Variants in DHX57 observed in about 807,000 individuals in gnomAD.
DHX57 encodes DExH-box helicase 57.
Under a neutral mutation model 156.2 loss-of-function variants are expected in DHX57, and 105 were observed. The ratio of observed to expected loss-of-function variants is 0.67; its 90% CI spans 0.57 to 0.79. DHX57 has a LOEUF of 0.79. Among genes scored for constraint, DHX57 ranks in the 30% least tolerant of loss-of-function variants. The pLI, the probability that DHX57 is intolerant of heterozygous loss-of-function variation, is 0.00. For missense variants in DHX57, 1,847 were observed against 1,661.9 expected (o/e 1.11, Z -1.94); for synonymous variants, 704 against 595.6 (o/e 1.18, Z -2.65).
intron 1 of DHX57, among the ~76,000 whole-genome samples, chr2:38,874,610 CG>C: frequency 6.6e-6 from 1 of 151,832 alleles, no homozygotes; most frequent in East Asian, 1.9e-4. Flanking sequence ...AGGGTTTCAC[CG>C]TGTTAGCCAG....
At chr2:38,809,753 G>A (rs747571952) in intron 21 of DHX57, among the ~76,000 whole-genome samples, 48 of 151,990 alleles carry the variant, frequency 3.2e-4, no homozygotes, top group African/African-American at 5.3e-4. Context: ...GTGAGCCACC[G>A]CACTCGGCCT....
rs139499286 is a variant in DHX57, at chr2:38,820,435, G to T, written c.3292-1291C>A. 1.4e-4 allele frequency among the ~76,000 whole-genome samples: 21 copies of T among 151,762 alleles called. 1 individual carries two copies. The South Asian group carries it at 2.3e-3, about 17-fold the overall frequency. ...ATGGAACCTCAAACCAGACATCAAC[G>T]TCTCTAATGAGTCTTTCTTTATTCC... is the stretch of plus-strand genomic sequence containing the variant. On this transcript the variant is annotated intron_variant, in intron 17 of 23. Transcript: ENST00000457308.
chr2:38,812,435 G>C (rs888591365), intron 21 of DHX57, among the ~76,000 whole-genome samples: 1 of 152,218 alleles, frequency 6.6e-6, no homozygotes, highest in Non-Finnish European at 1.5e-5. Flanking sequence ...ATGGTGCCTT[G>C]TTAGGGATGG....
rs575712644 is a variant in DHX57 at position 38,812,602 on chromosome 2, C to T, written c.3681+1219G>A. ...AGGCTGGAGTGCAATGGTATGATCT[C>T]GCCTCACCACAACCTCTGCCTCCCG... On this transcript the variant is annotated intron_variant, in intron 21 of 23. Coordinates refer to ENST00000457308, the MANE Select transcript of DHX57 (RefSeq NM_198963.3). Among the ~76,000 whole-genome samples the T allele has an allele frequency of 8.8e-4, 134 of 152,204 alleles. 1 individual carries two copies. The highest frequency in any genetic ancestry group is 1.4e-3 in the Non-Finnish European group (97 of 68,046).
chr2:38,863,623 G>GTA, intron 2 of DHX57, 104 bp from the exon 3 acceptor site: 2 of 1,032,468 alleles, frequency 1.9e-6, no homozygotes, highest in Non-Finnish European at 2.8e-6. Flanking sequence ...GGATTGTCAA[G>GTA]TATCTTACAA....
intron 2 of DHX57, 45 bp downstream of exon 2, chr2:38,868,137 G>A (rs199936848): frequency 1.3e-4 from 202 of 1,603,330 alleles, no homozygotes; most frequent in Non-Finnish European, 1.6e-4. Context: ...TACATTAGGG[G>A]TTGATACCAT....
At chr2:38,814,880 G>A (rs1200356500) in intron 20 of DHX57, among the ~76,000 whole-genome samples, 2 of 151,826 alleles carry the variant, frequency 1.3e-5, no homozygotes, top group Non-Finnish European at 2.9e-5. Context: ...GTGCTACCAT[G>A]CCTGGATAAT....
intron 7 of DHX57, among the ~76,000 whole-genome samples, chr2:38,855,661 T>C (rs1247674642): frequency 6.6e-6 from 1 of 152,226 alleles, no homozygotes; most frequent in Non-Finnish European, 1.5e-5. Flanking sequence ...TACGAATTAT[T>C]ACCATATCAC....
chr2:38,821,074 A>G (rs1670789382), intron 17 of DHX57, among the ~76,000 whole-genome samples: 1 of 152,106 alleles, frequency 6.6e-6, no homozygotes, highest in Non-Finnish European at 1.5e-5. Context: ...TGAAAAAAAA[A>G]TTGCGAACTC....
At chr2:38,814,413 AC>A (rs1255631658) in intron 20 of DHX57, among the ~76,000 whole-genome samples, 3 of 152,232 alleles carry the variant, frequency 2.0e-5, no homozygotes, top group Non-Finnish European at 4.4e-5. Context: ...CAAGGAGCCT[AC>A]AATGACTTTC....
At chr2:38,825,329 G>A (rs1671033594) in intron 16 of DHX57, among the ~76,000 whole-genome samples, 1 of 151,826 alleles carries the variant, frequency 6.6e-6, no homozygotes, top group Non-Finnish European at 1.5e-5. Context: ...TTGAGATGGA[G>A]TCTCACTCTG....
chr2:38,819,477 T>C (rs1046590547), intron 17 of DHX57, among the ~76,000 whole-genome samples: 1 of 152,226 alleles, frequency 6.6e-6, no homozygotes, highest in Admixed American at 6.5e-5. Flanking sequence ...CACCAGGTCC[T>C]ACAGGACACT....
intron 21 of DHX57, chr2:38,810,692 G>C (rs1194952566): frequency 9.8e-6 from 7 of 713,346 alleles, no homozygotes; most frequent in Non-Finnish European, 1.0e-5. Flanking sequence ...TCACACTGAG[G>C]GTTGTGCCAG....
At chr2:38,823,592 G>C (rs1005867727) in intron 16 of DHX57, among the ~76,000 whole-genome samples, 11 of 152,184 alleles carry the variant, frequency 7.2e-5, no homozygotes, top group Admixed American at 3.9e-4. Context: ...GTTGTTGGTG[G>C]GAATGTAAAA....
intron 21 of DHX57, among the ~76,000 whole-genome samples, chr2:38,812,556 G>A (rs887323018): frequency 1.3e-5 from 2 of 152,152 alleles, no homozygotes; most frequent in Non-Finnish European, 2.9e-5. Flanking sequence ...TATTTGAGAC[G>A]GAGTTTCGCT....
chr2:38,841,239 T>C (rs1441545627), intron 12 of DHX57, among the ~76,000 whole-genome samples: 7 of 152,238 alleles, frequency 4.6e-5, no homozygotes, highest in Non-Finnish European at 8.8e-5. Flanking sequence ...ATTAGAATCA[T>C]GGATCTGCAC....
chr2:38,813,912 G>A lies in DHX57; in HGVS notation c.3607-17C>T, dbSNP rs368699930. 2.9e-4 allele frequency: 473 copies of A among 1,610,848 alleles called. No individual in the cohort carries two copies. The highest frequency in any genetic ancestry group is 3.8e-4 in the Non-Finnish European group (444 of 1,177,862). On this transcript the variant is annotated splice_polypyrimidine_tract_variant and intron_variant, in intron 20 of 23. Transcript: ENST00000457308. ...TGAGTTTGCCTATGAGAAAAGCACAGCATTAATTAACAAGTGATATGGCTA... is the reference window on the plus strand; with the variant it reads ...TGAGTTTGCCTATGAGAAAAGCACAACATTAATTAACAAGTGATATGGCTA...
chr2:38,829,548 G>A (rs1411740876), intron 13 of DHX57, among the ~76,000 whole-genome samples: 1 of 152,158 alleles, frequency 6.6e-6, no homozygotes, highest in Non-Finnish European at 1.5e-5. Flanking sequence ...GGGATTACAG[G>A]CATGAGCCAC....
Position 38,848,328 on chromosome 2 carries a change from G to A in DHX57, c.2105C>T (p.Thr702Ile), listed in dbSNP as rs939356208. The A allele has an allele frequency of 1.6e-5, 25 of 1,612,648 alleles. No homozygotes were observed. Among genetic ancestry groups the A allele is most frequent in the Non-Finnish European group, 2.1e-5 (25 of 1,179,476 alleles). The stretch of plus-strand genomic sequence containing the variant: ...GTCTGAAAAAAGCTCAGCGTTTAGA[G>A]TTGCACTCATTAAAATAACTTGAAG... The part of the protein sequence containing the change: ...PGLQVILMSA[T>I]LNAELFSDYF... Residue 702 changes from threonine (T) to isoleucine (I), a missense_variant, in exon 10 of 24, where the codon ACT becomes ATT. By Grantham distance (89) the Thr-to-Ile change is moderately conservative (BLOSUM62 -1). Transcript: ENST00000457308.
Sources: gnomAD v4.1 joint callset for allele counts (sites outside exome capture counted in the v4.1 genomes callset) on GRCh38, gnomAD v4.1.1 for gene constraint, MANE v1.5 for transcripts, NCBI Gene and HGNC (gene_info 2026-07-23, HGNC 2026-07-21) for gene names.